Variants in SDCCAG8 observed in about 807,000 individuals in gnomAD.
SDCCAG8 encodes serologically defined colon cancer antigen 8.
Under a neutral mutation model 101.8 loss-of-function variants are expected in SDCCAG8, and 74 were observed. The ratio of observed to expected loss-of-function variants is 0.73; its 90% CI spans 0.60 to 0.88. The LOEUF (loss-of-function observed/expected upper bound fraction) is 0.88. Among genes scored for constraint, SDCCAG8 ranks in the 40% least tolerant of loss-of-function variants. The pLI is 0.00. For synonymous variants in SDCCAG8, 281 were observed against 292.9 expected, an observed-to-expected ratio of 0.96 and a Z score of 0.41; for missense variants, 787 against 822.6, an observed-to-expected ratio of 0.96 and a Z score of 0.53.
At chr1:243,295,304 C>G (rs954966467) in intron 6 of SDCCAG8, among the ~76,000 whole-genome samples, 2 of 152,186 alleles carry the variant, frequency 1.3e-5, no homozygotes, top group African/African-American at 2.4e-5. Flanking sequence ...GTGGTGCCAT[C>G]TCAGCTCACC....
chr1:243,493,229 T>A (rs1033848611), intron 17 of SDCCAG8, among the ~76,000 whole-genome samples: 1 of 4,822 alleles, frequency 2.1e-4, no homozygotes, highest in South Asian at 7.8e-3. Context: ...GTGGTGGGGG[T>A]GGGGGGAGGG....
At position 243,353,307 on chromosome 1, in the gene SDCCAG8, G is replaced by A. The variant is rs1362509183; in HGVS notation, c.1473+8976G>A. 3.3e-5 allele frequency among the ~76,000 whole-genome samples: 5 copies of A among 151,270 alleles called. No homozygotes were observed. The East Asian group carries it at 9.8e-4, about 30-fold the overall frequency. On this transcript the variant is annotated intron_variant, in intron 12 of 17. Coordinates refer to ENST00000366541, the MANE Select transcript of SDCCAG8 (RefSeq NM_006642.5). ...GGAGTTCGAGGCCAGCCTGGCCAAC[G>A]TGGTAAAACCGTGCATCTACTAAAA...
intron 1 of SDCCAG8, among the ~76,000 whole-genome samples, chr1:243,257,262 A>G (rs1242598243): frequency 6.6e-6 from 1 of 152,208 alleles, no homozygotes; most frequent in Admixed American, 6.5e-5. Flanking sequence ...TCTGCTTTCT[A>G]TTCTGTTGCA....
chr1:243,316,529 C>T (rs564342156), intron 8 of SDCCAG8, among the ~76,000 whole-genome samples: 10 of 152,190 alleles, frequency 6.6e-5, no homozygotes, highest in Non-Finnish European at 1.3e-4. Context: ...GATTGTCCCG[C>T]ACAGATGCCG....
chr1:243,268,491 A>G (rs1572861038), intron 1 of SDCCAG8, among the ~76,000 whole-genome samples: 1 of 152,348 alleles, frequency 6.6e-6, no homozygotes, highest in Admixed American at 6.5e-5. Context: ...AATTCATTTC[A>G]AAGAAAGATC....
chr1:243,455,732 A>G (rs1416028672), intron 16 of SDCCAG8, among the ~76,000 whole-genome samples: 1 of 152,240 alleles, frequency 6.6e-6, no homozygotes, highest in Non-Finnish European at 1.5e-5. Context: ...TATTAAATCC[A>G]TATTTACAAA....
At chr1:243,257,082 G>C (rs899801039) in intron 1 of SDCCAG8, among the ~76,000 whole-genome samples, 1 of 152,160 alleles carries the variant, frequency 6.6e-6, no homozygotes, top group African/African-American at 2.4e-5. Flanking sequence ...TTATGGAATT[G>C]TCCATAGGGT....
At chr1:243,461,477 T>C (rs1349851293) in intron 16 of SDCCAG8, among the ~76,000 whole-genome samples, 1 of 152,154 alleles carries the variant, frequency 6.6e-6, no homozygotes, top group African/African-American at 2.4e-5. Context: ...TTTTGAGGAG[T>C]TACCAGTTCC....
At chr1:243,494,038 G>A (rs1269114344) in intron 17 of SDCCAG8, among the ~76,000 whole-genome samples, 1 of 152,138 alleles carries the variant, frequency 6.6e-6, no homozygotes, top group Non-Finnish European at 1.5e-5. Flanking sequence ...GGAGCCCTGG[G>A]GGCCTCGCCC....
Position 243,416,467 on chromosome 1 carries a change from A to G in SDCCAG8, c.1744+638A>G, listed in dbSNP as rs1327283712. On this transcript the variant is annotated intron_variant, in intron 14 of 17. Coordinates refer to ENST00000366541, the MANE Select transcript of SDCCAG8 (RefSeq NM_006642.5). This position sits in a 1 kb window ranked among gnomAD's most constrained non-coding sequence, Gnocchi z 4.3. ...TGATTTCCCCACCTCCCCCAACCCA[A>G]TCTAGAGTGATGTTTAATCCTTTGC... Among the ~76,000 whole-genome samples the G allele has an allele frequency of 6.6e-6, 1 of 152,104 alleles. No individual in the cohort carries two copies. Among genetic ancestry groups the G allele is most frequent in the Admixed American group, 6.6e-5 (1 of 15,266 alleles).
chr1:243,270,959 C>G lies in SDCCAG8; in HGVS notation c.221-19C>G. The G allele has an allele frequency of 6.3e-7, 1 of 1,583,020 alleles. No individual in the cohort carries two copies. The highest frequency in any genetic ancestry group is 8.7e-7 in the Non-Finnish European group (1 of 1,152,042). The stretch of plus-strand genomic sequence containing the variant: ...GGATCTCAAATAAGGTTAATAAACC[C>G]TCTGCTTTTGCTCTATAGTTAATCA... On this transcript the variant is annotated intron_variant, in intron 2 of 17. Coordinates refer to ENST00000366541, the MANE Select transcript of SDCCAG8 (RefSeq NM_006642.5).
chr1:243,443,545 A>G (rs1393390862), intron 16 of SDCCAG8, among the ~76,000 whole-genome samples: 1 of 152,230 alleles, frequency 6.6e-6, no homozygotes, highest in African/African-American at 2.4e-5. Context: ...TAACCTCGCA[A>G]GGCAGCTAGA....
intron 17 of SDCCAG8, among the ~76,000 whole-genome samples, chr1:243,491,554 T>C (rs1382328264): frequency 1.3e-5 from 2 of 152,222 alleles, no homozygotes; most frequent in Non-Finnish European, 2.9e-5. Flanking sequence ...CTGCTGAATA[T>C]CTAAACCCAG....
At chr1:243,293,293 T>C in intron 6 of SDCCAG8, 74 bp downstream of exon 6, 1 of 1,443,918 alleles carries the variant, frequency 6.9e-7, no homozygotes, top group South Asian at 1.2e-5. Context: ...AAAATTCTGG[T>C]AAAATATATA....
intron 10 of SDCCAG8, chr1:243,338,687 C>G (rs1046279277): frequency 2.6e-5 from 4 of 152,208 alleles, no homozygotes; most frequent in African/African-American, 9.7e-5. Context: ...ATCCTTAATT[C>G]TTGTATCTCT....
chr1:243,316,206 A>G (rs2073216515), intron 8 of SDCCAG8, among the ~76,000 whole-genome samples: 1 of 152,230 alleles, frequency 6.6e-6, no homozygotes, highest in Non-Finnish European at 1.5e-5. Flanking sequence ...GAGGAGTTCA[A>G]CAGTACTAAT....
At chr1:243,381,845 C>T (rs1185694874) in intron 13 of SDCCAG8, among the ~76,000 whole-genome samples, 1 of 152,128 alleles carries the variant, frequency 6.6e-6, no homozygotes, top group Non-Finnish European at 1.5e-5. Context: ...GTGATGATTA[C>T]CACAGGAGCA....
At chr1:243,281,000 A>G (rs1181760302) in intron 4 of SDCCAG8, among the ~76,000 whole-genome samples, 1 of 152,068 alleles carries the variant, frequency 6.6e-6, no homozygotes, top group East Asian at 1.9e-4. Context: ...GAAATTTCCA[A>G]CTGTAATAGT....
intron 16 of SDCCAG8, among the ~76,000 whole-genome samples, chr1:243,479,111 G>A (rs1201818723): frequency 1.3e-5 from 2 of 152,258 alleles, no homozygotes; most frequent in African/African-American, 2.4e-5. Context: ...CAATGGTTAA[G>A]TGTTGGAACA....
Sources: allele counts gnomAD v4.1 joint callset (sites outside exome capture counted in the v4.1 genomes callset), GRCh38; gene constraint gnomAD v4.1.1; non-coding constraint Gnocchi (gnomAD v3.1); transcripts MANE v1.5; gene names NCBI Gene and HGNC (gene_info 2026-07-23, HGNC 2026-07-21).